TRIM44: variants seen among roughly 807,000 people sequenced by gnomAD.
The protein encoded by TRIM44 is tripartite motif-containing protein 44.
A neutral mutation model predicts 37.4 loss-of-function variants in TRIM44; 13 were observed. That is an observed-to-expected ratio of 0.35 (90% confidence interval 0.23 to 0.55). The LOEUF is 0.55. TRIM44 is among the 20% of genes least tolerant of loss of function. The pLI, the probability that TRIM44 is intolerant of heterozygous loss-of-function variation, is 0.89. For synonymous variants in TRIM44, 175 were observed against 157.2 expected, an observed-to-expected ratio of 1.11 and a Z score of -0.85; for missense variants, 426 against 437.2, an observed-to-expected ratio of 0.97 and a Z score of 0.23.
chr11:35,684,702 A>G (rs895371313), intron 1 of TRIM44, among the ~76,000 whole-genome samples: 2 of 151,988 alleles, frequency 1.3e-5, no homozygotes, highest in African/African-American at 4.8e-5. Flanking sequence ...TTGGTGTTGA[A>G]CTCCTGGCCT....
intron 4 of TRIM44, among the ~76,000 whole-genome samples, chr11:35,769,102 T>G (rs953062302): frequency 6.6e-6 from 1 of 152,136 alleles, no homozygotes; most frequent in Non-Finnish European, 1.5e-5. Flanking sequence ...ACCACGTGCT[T>G]TTTCCAGTTT....
intron 4 of TRIM44, among the ~76,000 whole-genome samples, chr11:35,768,181 A>T (rs995982170): frequency 6.6e-6 from 1 of 152,206 alleles, no homozygotes; most frequent in Admixed American, 6.5e-5. Flanking sequence ...CTTGGATTCA[A>T]ACTTTGAGTG....
chr11:35,758,810 G>T (rs1852683732), intron 4 of TRIM44, among the ~76,000 whole-genome samples: 1 of 152,168 alleles, frequency 6.6e-6, no homozygotes, highest in Non-Finnish European at 1.5e-5. Flanking sequence ...TTTTCTTTAA[G>T]AATGTTGAGT....
In TRIM44 at chr11:35,663,688, G is replaced by A; in HGVS notation, c.577G>A (p.Asp193Asn). Reference protein sequence around the residue: ...GLDLSTYCQEDRQLICVLCPV... With the variant: ...GLDLSTYCQENRQLICVLCPV... ...TGATTTGAGTACCTATTGCCAGGAAGATAGGCAGCTCATCTGTGTCCTGTG... is the reference window on the plus strand; with the variant it reads ...TGATTTGAGTACCTATTGCCAGGAAAATAGGCAGCTCATCTGTGTCCTGTG... Residue 193 changes from aspartate to asparagine, a missense_variant, in exon 1 of 5, where the codon GAT becomes AAT. Around this residue, in one of 2 missense-constraint regions of TRIM44, gnomAD observed 331 missense variants for 303.0 expected, o/e 1.09. Coordinates refer to ENST00000299413, the MANE Select transcript of TRIM44 (RefSeq NM_017583.6). 1 of 1,614,168 alleles carries A rather than the reference G, an allele frequency of 6.2e-7. No individual in the cohort carries two copies. The highest frequency in any genetic ancestry group is 8.5e-7 in the Non-Finnish European group (1 of 1,180,036).
At chr11:35,678,309 A>G (rs1207324117) in intron 1 of TRIM44, among the ~76,000 whole-genome samples, 1 of 152,152 alleles carries the variant, frequency 6.6e-6, no homozygotes, top group Non-Finnish European at 1.5e-5. Flanking sequence ...GGACAATACG[A>G]TAGTGAAGAA....
chr11:35,811,491 G>A lies in TRIM44; in HGVS notation c.*5106G>A, dbSNP rs975420904. On this transcript the variant is annotated 3_prime_UTR_variant, in exon 5 of 5. Coordinates refer to ENST00000299413, the MANE Select transcript of TRIM44 (RefSeq NM_017583.6). ...GTTAGGCCAACAAAATCTTTGTTTT[G>A]TGAAACTTTAGAAATACATATTTGC... is the stretch of plus-strand genomic sequence containing the variant. 11 of 152,210 alleles carry A rather than the reference G, an allele frequency of 7.2e-5. No homozygotes were observed. Among genetic ancestry groups the A allele is most frequent in the Admixed American group, 5.2e-4 (8 of 15,286 alleles). 9.4% of individuals were successfully genotyped at this position (152,210 alleles called of 1,614,324 possible).
chr11:35,773,204 A>G (rs1852898199), intron 4 of TRIM44, among the ~76,000 whole-genome samples: 2 of 152,174 alleles, frequency 1.3e-5, no homozygotes, highest in Non-Finnish European at 2.9e-5. Context: ...TGTTAAGTCC[A>G]ATTAAACCTC....
intron 4 of TRIM44, among the ~76,000 whole-genome samples, chr11:35,785,437 G>A (rs570621082): frequency 2.0e-4 from 31 of 152,354 alleles, no homozygotes; most frequent in African/African-American, 7.5e-4. Context: ...CTTCTGCAGC[G>A]TTGCCTTCAG....
chr11:35,807,660 A>G lies in TRIM44; in HGVS notation c.*1275A>G, dbSNP rs1427574846. The stretch of plus-strand genomic sequence containing the variant: ...TACTTACCAAATGGTTTAGAGTCAT[A>G]AGATGACCTATTTTTATATAAAAGT... On this transcript the variant is annotated 3_prime_UTR_variant, in exon 5 of 5. Coordinates refer to ENST00000299413, the MANE Select transcript of TRIM44 (RefSeq NM_017583.6). 6.6e-6 allele frequency: 1 copy of G among 152,232 alleles called. No individual in the cohort carries two copies. Among genetic ancestry groups the G allele is most frequent in the Non-Finnish European group, 1.5e-5 (1 of 68,038 alleles). 9.4% of individuals were successfully genotyped at this position (152,232 alleles called of 1,614,324 possible).
chr11:35,790,406 G>A (rs1853192399), intron 4 of TRIM44, among the ~76,000 whole-genome samples: 1 of 152,160 alleles, frequency 6.6e-6, no homozygotes. Flanking sequence ...CTCATGTTTG[G>A]CATCTGTTAC....
At chr11:35,705,793 G>T (rs1410475172) in intron 2 of TRIM44, among the ~76,000 whole-genome samples, 1 of 147,528 alleles carries the variant, frequency 6.8e-6, no homozygotes, top group Non-Finnish European at 1.5e-5. Flanking sequence ...AGCACTAAAT[G>T]CCCACAAGAG....
At chr11:35,694,620 T>A (rs1021322930) in intron 2 of TRIM44, among the ~76,000 whole-genome samples, 6 of 152,022 alleles carry the variant, frequency 3.9e-5, no homozygotes, top group Non-Finnish European at 7.4e-5. Flanking sequence ...ATAGTAGAAG[T>A]CTTGATCTGT....
intron 2 of TRIM44, among the ~76,000 whole-genome samples, chr11:35,716,244 A>G (rs929032773): frequency 6.6e-6 from 1 of 152,194 alleles, no homozygotes; most frequent in Non-Finnish European, 1.5e-5. Flanking sequence ...AGGAAATGAA[A>G]AGAGACAGAA....
intron 4 of TRIM44, among the ~76,000 whole-genome samples, chr11:35,793,655 GT>G (rs1320433981): frequency 6.6e-6 from 1 of 152,170 alleles, no homozygotes; most frequent in Non-Finnish European, 1.5e-5. Context: ...CAAGGTACCA[GT>G]TACCTCCTCT....
chr11:35,798,843 CTTAT>C (rs767480770), intron 4 of TRIM44, among the ~76,000 whole-genome samples: 3 of 152,076 alleles, frequency 2.0e-5, no homozygotes, highest in Non-Finnish European at 4.4e-5. Context: ...TAAAAGATAA[CTTAT>C]TTTTATATAT....
intron 4 of TRIM44, among the ~76,000 whole-genome samples, chr11:35,790,637 G>C (rs1383090600): frequency 1.3e-5 from 2 of 152,212 alleles, no homozygotes; most frequent in Non-Finnish European, 2.9e-5. Flanking sequence ...AGTACAAGGA[G>C]AGCCTCTGGT....
In TRIM44 at chr11:35,812,705, C is replaced by CT. The variant is rs1853541309; in HGVS notation, c.*6321dup. ...TTGGTGAATAACAACACTGATCCCC[C>CT]TACAACTACCCCCACACATGTACAG... On this transcript the variant is annotated 3_prime_UTR_variant, in exon 5 of 5. Transcript: ENST00000299413. The CT allele has an allele frequency of 6.6e-6, 1 of 152,344 alleles. No individual in the cohort carries two copies. Among genetic ancestry groups the CT allele is most frequent in the Admixed American group, 6.5e-5 (1 of 15,280 alleles). The allele number at this position is 152,344 out of a possible 1,614,324, so 9.4% of individuals were successfully genotyped here.
intron 4 of TRIM44, among the ~76,000 whole-genome samples, chr11:35,745,660 A>G (rs897829707): frequency 1.3e-5 from 2 of 152,236 alleles, no homozygotes; most frequent in African/African-American, 4.8e-5. Context: ...CCATTATTCC[A>G]GTTCACAGTC....
At chr11:35,674,231 T>A (rs1851434199) in intron 1 of TRIM44, among the ~76,000 whole-genome samples, 1 of 129,562 alleles carries the variant, frequency 7.7e-6, no homozygotes. Flanking sequence ...AGAGAGAGAA[T>A]TTGCGTGTGT....
Sources: allele counts gnomAD v4.1 joint callset (sites outside exome capture counted in the v4.1 genomes callset), GRCh38; gene constraint gnomAD v4.1.1; regional missense constraint gnomAD v4.1.1; transcripts MANE v1.5; gene names NCBI Gene and HGNC (gene_info 2026-07-23, HGNC 2026-07-21).